LGALS8: variants seen among roughly 807,000 people sequenced by gnomAD.
The protein encoded by LGALS8 is galectin 8.
A neutral mutation model predicts 35.9 loss-of-function variants in LGALS8; 30 were observed. The observed-to-expected ratio is 0.83, with a 90% CI of 0.62 to 1.13. The LOEUF is 1.13. Ranked by LOEUF, LGALS8 falls within the 50% of genes most tolerant of loss-of-function variation. LGALS8 has a pLI of 0.00. For missense variants in LGALS8, 366 were observed against 388.7 expected (o/e 0.94, Z 0.49); for synonymous variants, 138 against 136.1 (o/e 1.01, Z -0.10).
intron 2 of LGALS8, among the ~76,000 whole-genome samples, chr1:236,528,065 T>C (rs1660917665): frequency 6.6e-6 from 1 of 152,012 alleles, no homozygotes; most frequent in Non-Finnish European, 1.5e-5. Context: ...AATCAATTAG[T>C]ATATTTTATA....
chr1:236,546,606 G>C (rs566946193), intron 9 of LGALS8, among the ~76,000 whole-genome samples: 2 of 152,320 alleles, frequency 1.3e-5, no homozygotes, highest in South Asian at 2.1e-4. Flanking sequence ...TTTTCTTCTA[G>C]GCAAAGGATG....
At chr1:236,530,194 A>G (rs1661070914) in intron 2 of LGALS8, among the ~76,000 whole-genome samples, 1 of 152,234 alleles carries the variant, frequency 6.6e-6, no homozygotes. Flanking sequence ...GTCAACATAA[A>G]TCCTACCTGG....
intron 9 of LGALS8, chr1:236,545,236 T>C (rs538983249): frequency 6.5e-4 from 92 of 142,004 alleles, no homozygotes; most frequent in African/African-American, 1.9e-3. Flanking sequence ...ATAAGCAGAC[T>C]TGAGGACGTG....
At chr1:236,529,039 G>A (rs1010476507) in intron 2 of LGALS8, among the ~76,000 whole-genome samples, 1 of 152,198 alleles carries the variant, frequency 6.6e-6, no homozygotes, top group African/African-American at 2.4e-5. Context: ...ACTGTGGGAG[G>A]CCAAGGCTAG....
chr1:236,531,279 AGG>A (rs1277628944), intron 2 of LGALS8, among the ~76,000 whole-genome samples: 1 of 152,128 alleles, frequency 6.6e-6, no homozygotes, highest in African/African-American at 2.4e-5. Context: ...TGGAATCACT[AGG>A]TCAGAGGGTA....
intron 6 of LGALS8, among the ~76,000 whole-genome samples, chr1:236,542,055 C>T (rs1662034360): frequency 1.3e-5 from 2 of 152,224 alleles, no homozygotes; most frequent in Non-Finnish European, 2.9e-5. Context: ...GGGAGAATAA[C>T]TGCAATTTAA....
chr1:236,550,760 G>A lies in LGALS8; in HGVS notation c.*2599G>A. 1 of 626,930 alleles carries A rather than the reference G, an allele frequency of 1.6e-6. No homozygotes were observed. The highest frequency in any genetic ancestry group is 2.7e-6 in the Non-Finnish European group (1 of 368,596). 38.8% of individuals were successfully genotyped at this position (626,930 alleles called of 1,614,324 possible). ...GCAGCACAAGCCAGGTGGGGATTTTGTAAAGAAGTGATAAAACATTTGTAA... is the reference window on the plus strand; with the variant it reads ...GCAGCACAAGCCAGGTGGGGATTTTATAAAGAAGTGATAAAACATTTGTAA... On this transcript the variant is annotated 3_prime_UTR_variant, in exon 10 of 10. Transcript: ENST00000366584.
chr1:236,547,119 CCT>C (rs1269489050), intron 9 of LGALS8, among the ~76,000 whole-genome samples: 1 of 152,182 alleles, frequency 6.6e-6, no homozygotes, highest in Admixed American at 6.5e-5. Context: ...CTGAGCTGCC[CCT>C]CTTTCTTCTG....
At chr1:236,519,948 A>ATTT (rs35589317), upstream of LGALS8, among the ~76,000 whole-genome samples, 16 of 109,444 alleles carry the variant, frequency 1.5e-4, no homozygotes, top group African/African-American at 5.9e-4. Context: ...GTTTTGTACA[A>ATTT]TTTTTTTTTT....
At chr1:236,518,633 G>A (rs138265006), upstream of LGALS8, 30 of 152,272 alleles carry the variant, frequency 2.0e-4, no homozygotes, top group African/African-American at 7.2e-4. Flanking sequence ...ATAATCCATT[G>A]TGGCAAATTT....
intron 2 of LGALS8, among the ~76,000 whole-genome samples, chr1:236,532,445 C>A (rs137907583): frequency 2.6e-5 from 4 of 152,316 alleles, no homozygotes; most frequent in Admixed American, 1.3e-4. Flanking sequence ...ATTCACCTAG[C>A]GTGTGGTTCT....
rs1558168153 is a variant in LGALS8, at chr1:236,544,866, AAG to A, written c.761_762del (p.Arg254LysfsTer8). ...TTTCTTCAGGAGTCCTGGGGAGAAG[AAG>A]AGAGAAATATTACCTCTTTCCCATT... is the stretch of plus-strand genomic sequence containing the variant. On this transcript the variant is annotated frameshift_variant, in exon 9 of 10. Coordinates refer to ENST00000366584, the MANE Select transcript of LGALS8 (RefSeq NM_201544.4). LOFTEE classifies it high-confidence loss of function. 6.2e-7 allele frequency: 1 copy of A among 1,613,936 alleles called. No individual in the cohort carries two copies. The highest frequency in any genetic ancestry group is 8.5e-7 in the Non-Finnish European group (1 of 1,179,884).
intron 3 of LGALS8, among the ~76,000 whole-genome samples, chr1:236,538,278 C>G (rs927628217): frequency 6.6e-6 from 1 of 152,020 alleles, no homozygotes; most frequent in African/African-American, 2.4e-5. Flanking sequence ...CTCTGTGTAC[C>G]TAACACCTGA....
intron 2 of LGALS8, among the ~76,000 whole-genome samples, 200 bp from the exon 3 acceptor site, chr1:236,537,297 G>A (rs956776927): frequency 1.3e-4 from 20 of 152,136 alleles, no homozygotes; most frequent in Non-Finnish European, 2.4e-4. Flanking sequence ...TTACAGGCGT[G>A]AGCCACCGCG....
intron 9 of LGALS8, among the ~76,000 whole-genome samples, chr1:236,547,428 C>T (rs1198379691): frequency 6.6e-6 from 1 of 152,092 alleles, no homozygotes; most frequent in Non-Finnish European, 1.5e-5. Context: ...ACACTGAGGC[C>T]AAGATGTGCT....
intron 4 of LGALS8, chr1:236,539,332 A>C (rs1661801314): frequency 1.0e-5 from 5 of 486,838 alleles, no homozygotes; most frequent in Admixed American, 3.3e-5. Flanking sequence ...TTTTTATTAG[A>C]TCCTATTTCT....
chr1:236,547,480 C>G (rs1398464687), intron 9 of LGALS8, among the ~76,000 whole-genome samples: 1 of 152,166 alleles, frequency 6.6e-6, no homozygotes, highest in Admixed American at 6.5e-5. Flanking sequence ...TGTAAAAACC[C>G]TAGCAAGTGC....
rs1240104310 is a variant in LGALS8, at chr1:236,526,069, G to A, written c.-2G>A. 1.2e-6 allele frequency: 2 copies of A among 1,611,678 alleles called. No homozygotes were observed. The highest frequency in any genetic ancestry group is 1.7e-5 in the Admixed American group (1 of 59,976). On this transcript the variant is annotated 5_prime_UTR_variant, in exon 2 of 10. Transcript: ENST00000366584. This position sits in a 1 kb window ranked among gnomAD's most constrained non-coding sequence, Gnocchi z 4.6. Reference sequence around the variant, plus strand: ...CTCCAATCGACAAGAAGCTGGAAAAGAATGATGTTGTCCTTAAACAACCTA... The same window carrying A: ...CTCCAATCGACAAGAAGCTGGAAAAAAATGATGTTGTCCTTAAACAACCTA...
rs894209394 is a variant in LGALS8 at position 236,549,992 on chromosome 1, A to G, written c.*1831A>G. On this transcript the variant is annotated 3_prime_UTR_variant, in exon 10 of 10. Transcript: ENST00000366584. ...TTAGCTTCAAAGGCTTTTAAACTCA[A>G]TGCGAACATTCTACGGGATGTTCTT... 6.6e-6 allele frequency: 1 copy of G among 152,202 alleles called. No homozygotes were observed. The highest frequency in any genetic ancestry group is 2.4e-5 in the African/African-American group (1 of 41,444). 9.4% of individuals were successfully genotyped at this position (152,202 alleles called of 1,614,324 possible). A position where few individuals can be genotyped will look rare whatever the true frequency, so the allele number is the denominator to read the frequency against.
Sources: allele counts gnomAD v4.1 joint callset (sites outside exome capture counted in the v4.1 genomes callset), GRCh38; gene constraint gnomAD v4.1.1; non-coding constraint Gnocchi (gnomAD v3.1); transcripts MANE v1.5; gene names NCBI Gene and HGNC (gene_info 2026-07-23, HGNC 2026-07-21).